DCAKD: variants seen among roughly 807,000 people sequenced by gnomAD.
DCAKD encodes the protein dephospho-CoA kinase domain containing.
A neutral mutation model predicts 18.7 loss-of-function variants in DCAKD; 15 were observed. The observed-to-expected ratio is 0.80, with a 90% confidence interval of 0.54 to 1.24. The LOEUF (loss-of-function observed/expected upper bound fraction) is 1.24, where lower values mean the gene tolerates loss of function less well. Ranked by LOEUF, DCAKD falls within the 50% of genes most tolerant of loss-of-function variation. DCAKD has a pLI of 0.00. For missense variants in DCAKD, 301 were observed against 322.0 expected, an observed-to-expected ratio of 0.93 and a Z score of 0.50; for synonymous variants, 130 against 133.0, an observed-to-expected ratio of 0.98 and a Z score of 0.16.
chr17:45,036,156 AC>A (rs1162949699), intron 1 of DCAKD, among the ~76,000 whole-genome samples: 1 of 152,098 alleles, frequency 6.6e-6, no homozygotes, highest in African/African-American at 2.4e-5. Flanking sequence ...ATGTGCTGCA[AC>A]CCCGGGCAAG....
rs191537829 is a variant in DCAKD at position 45,031,624 on chromosome 17, C to T, written c.317-1445G>A. ...GCAGAAGCCAAGACTAGATCCTCTC[C>T]GGGCCTCTTATCTCCCTTTCCTGTT... On this transcript the variant is annotated intron_variant, in intron 3 of 4. Transcript: ENST00000651974. 6.5e-5 allele frequency: 64 copies of T among 985,388 alleles called. No homozygotes were observed. The East Asian group carries it at 2.5e-3, about 38-fold the overall frequency. The allele number at this position is 985,388 out of a possible 1,614,324, so 61.0% of individuals were successfully genotyped here. A position where few individuals can be genotyped will look rare whatever the true frequency, so the allele number is the denominator to read the frequency against.
chr17:45,052,203 C>G (rs1214381152), upstream of DCAKD, among the ~76,000 whole-genome samples: 2 of 152,080 alleles, frequency 1.3e-5, no homozygotes, highest in African/African-American at 4.8e-5. Context: ...TTCCTTTCCC[C>G]GGAGCCGGGA....
rs1368315676 is a variant in DCAKD at position 45,034,972 on chromosome 17, C to T, written c.-87G>A. 7.0e-6 allele frequency: 10 copies of T among 1,419,254 alleles called. No homozygotes were observed. Among genetic ancestry groups the T allele is most frequent in the East Asian group, 4.8e-5 (2 of 41,552 alleles). The allele number at this position is 1,419,254 out of a possible 1,614,324, so 87.9% of individuals were successfully genotyped here. A position where few individuals can be genotyped will look rare whatever the true frequency, so the allele number is the denominator to read the frequency against. On this transcript the variant is annotated 5_prime_UTR_variant, in exon 2 of 5. Coordinates refer to ENST00000651974, the MANE Select transcript of DCAKD (RefSeq NM_001288655.2). ...GCAGGGCAAGTGTGGCCGATGGGGGCGGTCCACCAGAGGAGTGCCAGAAGG... is the reference window on the plus strand; with the variant it reads ...GCAGGGCAAGTGTGGCCGATGGGGGTGGTCCACCAGAGGAGTGCCAGAAGG...
chr17:45,060,687 G>A (rs763973560), intron 1 of DCAKD, among the ~76,000 whole-genome samples: 1 of 152,232 alleles, frequency 6.6e-6, no homozygotes, highest in East Asian at 1.9e-4. Context: ...TCCTGGCTTA[G>A]GGTCAGTGCT....
chr17:45,029,514 G>A (rs758951988), intron 4 of DCAKD, among the ~76,000 whole-genome samples: 4 of 152,182 alleles, frequency 2.6e-5, no homozygotes, highest in African/African-American at 7.2e-5. Context: ...TCCCCCCACA[G>A]GTTGATCCTC....
chr17:45,061,046 C>G, exon 1 of DCAKD: 2 of 1,200,462 alleles, frequency 1.7e-6, no homozygotes, highest in Non-Finnish European at 2.1e-6. Context: ...CAGGCGGCCG[C>G]CCGGTTCCCA....
In DCAKD at chr17:45,024,495, C is replaced by T. The variant is rs748998505; in HGVS notation, c.634G>A (p.Gly212Arg). ...AGGAGGCTGGCAATGGCAGCGAGCC[C>T]TGTGAGGACCCCAAACCTCAGCGGC... ...YLPLRFGVLT[G>R]LAAIASLLYL... Residue 212 changes from glycine to arginine, a missense_variant, in exon 5 of 5, where the codon GGG becomes AGG. Coordinates refer to ENST00000651974, the MANE Select transcript of DCAKD (RefSeq NM_001288655.2). The T allele has an allele frequency of 1.3e-5, 21 of 1,613,874 alleles. No individual in the cohort carries two copies. The highest frequency in any genetic ancestry group is 1.7e-5 in the Non-Finnish European group (20 of 1,179,794).
intron 1 of DCAKD, among the ~76,000 whole-genome samples, chr17:45,037,117 C>T (rs79811923): frequency 1.4e-3 from 214 of 152,224 alleles, no homozygotes; most frequent in African/African-American, 5.0e-3. Flanking sequence ...GGAAACTATC[C>T]ACCACGGAGT....
intron 3 of DCAKD, 22 bp downstream of exon 3, chr17:45,034,165 C>T (rs779287996): frequency 3.0e-5 from 49 of 1,608,990 alleles, no homozygotes; most frequent in Admixed American, 6.7e-5. Flanking sequence ...CCCCGCCCCC[C>T]GCCCCAGGCC....
upstream of DCAKD, chr17:45,061,105 C>A (rs1217301207): frequency 1.5e-6 from 2 of 1,326,150 alleles, no homozygotes; most frequent in Non-Finnish European, 1.9e-6. Context: ...AAAGCGTGGC[C>A]GAATGCCTAG....
At chr17:45,057,210 A>G (rs978946322) in intron 1 of DCAKD, among the ~76,000 whole-genome samples, 1 of 151,842 alleles carries the variant, frequency 6.6e-6, no homozygotes, top group African/African-American at 2.4e-5. Context: ...TGCCACGCTA[A>G]TTTTTGTATT....
intron 4 of DCAKD, among the ~76,000 whole-genome samples, chr17:45,025,347 A>G (rs954066285): frequency 6.6e-6 from 1 of 152,164 alleles, no homozygotes; most frequent in South Asian, 2.1e-4. Context: ...TGGGACAGAC[A>G]AGCCCAAGGT....
intron 1 of DCAKD, among the ~76,000 whole-genome samples, chr17:45,039,809 G>A (rs2053386751): frequency 6.6e-6 from 1 of 152,242 alleles, no homozygotes; most frequent in South Asian, 2.1e-4. Context: ...GCTCTCCTGG[G>A]AGTGGTGAAT....
At position 45,024,264 on chromosome 17, in the gene DCAKD, C is replaced by T; in HGVS notation, c.*169G>A. 3.4e-6 allele frequency: 3 copies of T among 894,790 alleles called. No individual in the cohort carries two copies. Among genetic ancestry groups the T allele is most frequent in the Non-Finnish European group, 1.6e-6 (1 of 613,296 alleles). 55.4% of individuals were successfully genotyped at this position (894,790 alleles called of 1,614,324 possible). A position where few individuals can be genotyped will look rare whatever the true frequency, so the allele number is the denominator to read the frequency against. On this transcript the variant is annotated 3_prime_UTR_variant, in exon 5 of 5. Coordinates refer to ENST00000651974, the MANE Select transcript of DCAKD (RefSeq NM_001288655.2). Reference sequence around the variant, plus strand: ...AAGACGGGATGGCCTGGCACAGAGGCCCAGCCCTGATTCGGAGAGTCCGTG... The same window carrying T: ...AAGACGGGATGGCCTGGCACAGAGGTCCAGCCCTGATTCGGAGAGTCCGTG...
At chr17:45,027,691 G>C (rs2053082549) in intron 4 of DCAKD, among the ~76,000 whole-genome samples, 1 of 151,736 alleles carries the variant, frequency 6.6e-6, no homozygotes, top group Non-Finnish European at 1.5e-5. Context: ...CAACCTCAAA[G>C]AACAGCACAG....
chr17:45,040,064 C>T (rs1277208242), intron 1 of DCAKD, among the ~76,000 whole-genome samples: 1 of 149,086 alleles, frequency 6.7e-6, no homozygotes, highest in Non-Finnish European at 1.5e-5. Context: ...CTCTGGACTC[C>T]AGCTTGGGCA....
intron 1 of DCAKD, among the ~76,000 whole-genome samples, chr17:45,039,252 G>A (rs1436038369): frequency 6.6e-6 from 1 of 152,148 alleles, no homozygotes; most frequent in Non-Finnish European, 1.5e-5. Context: ...TCCCTGTCAG[G>A]CCCACATGAA....
At chr17:45,054,564 T>TC (rs2053760363), upstream of DCAKD, among the ~76,000 whole-genome samples, 2 of 152,166 alleles carry the variant, frequency 1.3e-5, no homozygotes, top group South Asian at 4.1e-4. Flanking sequence ...TGTTATTTTT[T>TC]CAAGTCCAGT....
intron 1 of DCAKD, among the ~76,000 whole-genome samples, chr17:45,037,649 G>A (rs1363297096): frequency 1.3e-5 from 2 of 152,056 alleles, no homozygotes; most frequent in Non-Finnish European, 2.9e-5. Context: ...AGTAGACATG[G>A]GGTTTTGCCA....
Sources: allele counts gnomAD v4.1 joint callset (sites outside exome capture counted in the v4.1 genomes callset), GRCh38; gene constraint gnomAD v4.1.1; transcripts MANE v1.5; gene names NCBI Gene and HGNC (gene_info 2026-07-23, HGNC 2026-07-21).